Variants in PINLYP observed in about 807,000 individuals in gnomAD.
PINLYP encodes phospholipase A2 inhibitor and LY6/PLAUR domain containing.
In PINLYP, 12 loss-of-function variants were observed where a neutral mutation model predicts 15.8. The ratio of observed to expected loss-of-function variants is 0.76; its 90% CI spans 0.49 to 1.23. PINLYP has a LOEUF of 1.23. PINLYP is among the 50% of genes most tolerant of loss of function. The probability of loss-of-function intolerance (pLI) is 0.00; values close to 1 mark genes in which losing one functional copy is unlikely to be tolerated. For missense variants in PINLYP, 278 were observed against 264.2 expected, an observed-to-expected ratio of 1.05 and a Z score of -0.36; for synonymous variants, 93 against 97.7, an observed-to-expected ratio of 0.95 and a Z score of 0.28.
exon 1 of PINLYP, chr19:43,576,911 C>G (rs1230923017): frequency 2.1e-6 from 1 of 476,792 alleles, no homozygotes; most frequent in African/African-American, 2.0e-5. Context: ...AACAATGGGC[C>G]GTGGGAAGGT....
Position 43,577,351 on chromosome 19 carries a change from G to A in PINLYP, c.70+90G>A, listed in dbSNP as rs1600065450. ...AGAGAGAGATATAGAGAGAGAAAGA[G>A]CCTTCAGCAAGTCCTCAAGGTGAAC... is the stretch of plus-strand genomic sequence containing the variant. On this transcript the variant is annotated intron_variant, in intron 2 of 5. Transcript: ENST00000599207. 3.2e-6 allele frequency: 4 copies of A among 1,267,964 alleles called. No individual in the cohort carries two copies. The East Asian group carries it at 1.1e-4, about 34-fold the overall frequency. 78.5% of individuals were successfully genotyped at this position (1,267,964 alleles called of 1,614,324 possible). A position where few individuals can be genotyped will look rare whatever the true frequency, so the allele number is the denominator to read the frequency against.
chr19:43,581,686 C>T (rs902620523), exon 5 of PINLYP: 4 of 1,536,262 alleles, frequency 2.6e-6, no homozygotes, highest in Non-Finnish European at 3.5e-6. Flanking sequence ...GTCTCCTTAT[C>T]TGGACACGTG....
exon 6 of PINLYP, chr19:43,581,977 T>C (rs1041392430): frequency 2.1e-5 from 32 of 1,536,300 alleles, no homozygotes; most frequent in Non-Finnish European, 2.7e-5. Context: ...TCCTCCATCA[T>C]ATAGAGTGCA....
intron 1 of PINLYP, 72 bp from the exon 2 acceptor site, chr19:43,577,043 G>A: frequency 7.0e-7 from 1 of 1,437,928 alleles, no homozygotes; most frequent in Non-Finnish European, 9.2e-7. Flanking sequence ...TTTGGATTCT[G>A]GTTCTGCCTT....
upstream of PINLYP, chr19:43,575,719 A>C (rs1972853873): frequency 5.3e-6 from 2 of 376,702 alleles, no homozygotes; most frequent in South Asian, 6.4e-5. Flanking sequence ...CGCCACACAC[A>C]ACCCCGCTCT....
intron 4 of PINLYP, 77 bp from the exon 5 acceptor site, chr19:43,581,486 G>A: frequency 6.6e-7 from 1 of 1,505,802 alleles, no homozygotes; most frequent in South Asian, 1.3e-5. Context: ...CAACCCTGGT[G>A]TTTCCCGGGG....
intron 3 of PINLYP, chr19:43,580,536 A>G (rs1027220880): frequency 1.6e-5 from 16 of 985,036 alleles, no homozygotes; most frequent in Non-Finnish European, 1.9e-5. Flanking sequence ...AGGAGGCTGG[A>G]AGAGACCATT....
chr19:43,575,681 G>C (rs569708611), upstream of PINLYP: 10 of 419,710 alleles, frequency 2.4e-5, no homozygotes, highest in African/African-American at 2.1e-4. Context: ...CCTTAGCAAC[G>C]AGCGTTTCCT....
exon 1 of PINLYP, chr19:43,575,867 G>A (rs1002746238): frequency 5.8e-5 from 10 of 170,968 alleles, no homozygotes; most frequent in Non-Finnish European, 1.1e-4. Context: ...AGCCGAGAAA[G>A]CAAATCTTTT....
intron 3 of PINLYP, among the ~76,000 whole-genome samples, chr19:43,579,560 T>C (rs1463601859): frequency 2.0e-5 from 3 of 148,374 alleles, no homozygotes; most frequent in Non-Finnish European, 4.5e-5. Context: ...CAAATCATCG[T>C]AAAGAGGAGA....
chr19:43,581,745 A>C, intron 5 of PINLYP, 42 bp downstream of exon 5: 1 of 1,535,610 alleles, frequency 6.5e-7, no homozygotes, highest in African/African-American at 1.4e-5. Flanking sequence ...ACAGAACTAG[A>C]GGTCCAAACT....
chr19:43,581,829 G>A, intron 5 of PINLYP, 39 bp from the exon 6 acceptor site: 2 of 1,536,120 alleles, frequency 1.3e-6, no homozygotes, highest in Non-Finnish European at 1.7e-6. Flanking sequence ...GGAAGAAGGG[G>A]CTGAGGTCCC....
intron 3 of PINLYP, among the ~76,000 whole-genome samples, chr19:43,579,736 GAAAAAAA>G (rs545927020): frequency 2.8e-5 from 3 of 108,822 alleles, no homozygotes; most frequent in East Asian, 2.8e-4. Flanking sequence ...CATCTCTACA[GAAAAAAA>G]AAAAAAAAAA....
At chr19:43,576,394 A>C (rs183878336) in exon 1 of PINLYP, among the ~76,000 whole-genome samples, 1 of 151,834 alleles carries the variant, frequency 6.6e-6, no homozygotes, top group African/African-American at 2.4e-5. Flanking sequence ...AAATTAGCAG[A>C]TCTCTTTCAG....
chr19:43,577,014 A>G (rs1337850941), intron 1 of PINLYP, 95 bp downstream of exon 1: 3 of 1,218,694 alleles, frequency 2.5e-6, no homozygotes, highest in Admixed American at 5.2e-5. Context: ...GGGGCTGGGC[A>G]CAAGATGCCC....
At chr19:43,581,837 C>T (rs962116215) in intron 5 of PINLYP, 31 bp from the exon 6 acceptor site, 2 of 1,536,194 alleles carry the variant, frequency 1.3e-6, no homozygotes, top group African/African-American at 1.4e-5. Context: ...GGGCTGAGGT[C>T]CCTGATTCCA....
chr19:43,581,115 G>A, intron 3 of PINLYP, 97 bp from the exon 4 acceptor site: 2 of 1,279,982 alleles, frequency 1.6e-6, no homozygotes, highest in Non-Finnish European at 2.1e-6. Flanking sequence ...GGAAGTTGTG[G>A]GGTTGGGGAG....
rs1197325101 is a variant in PINLYP at position 43,578,869 on chromosome 19, A to G, written c.187+163A>G. 3 of 604,442 alleles carry G rather than the reference A, an allele frequency of 5.0e-6. No individual in the cohort carries two copies. The South Asian group carries it at 5.5e-5, about 11-fold the overall frequency. 37.4% of individuals were successfully genotyped at this position (604,442 alleles called of 1,614,324 possible). A position where few individuals can be genotyped will look rare whatever the true frequency, so the allele number is the denominator to read the frequency against. On this transcript the variant is annotated intron_variant, in intron 3 of 5. Coordinates refer to ENST00000599207, the Ensembl canonical transcript of PINLYP. Reference sequence around the variant, plus strand: ...GGAAAGACCATCATGAGATGGAGGGAACAGAAATAAGTGGTGTGATAGAAA... The same window carrying G: ...GGAAAGACCATCATGAGATGGAGGGGACAGAAATAAGTGGTGTGATAGAAA...
intron 3 of PINLYP, chr19:43,580,962 G>C: frequency 2.3e-6 from 1 of 433,690 alleles, no homozygotes; most frequent in South Asian, 4.4e-5. Flanking sequence ...AAATAGCCGG[G>C]CATGGTGGCG....
Sources: allele counts gnomAD v4.1 joint callset (sites outside exome capture counted in the v4.1 genomes callset), GRCh38; gene constraint gnomAD v4.1.1; transcripts MANE v1.5; gene names NCBI Gene and HGNC (gene_info 2026-07-23, HGNC 2026-07-21).